Variants in NCALD observed in about 807,000 individuals in gnomAD.
NCALD encodes neurocalcin-delta.
A neutral mutation model predicts 18.6 loss-of-function variants in NCALD; 10 were observed. The observed-to-expected ratio is 0.54, with a 90% confidence interval of 0.33 to 0.91. NCALD has a LOEUF of 0.91. Among genes scored for constraint, NCALD ranks in the 40% least tolerant of loss-of-function variants. The pLI is 0.03. For missense variants in NCALD, 184 were observed against 247.6 expected (o/e 0.74, Z 1.72); for synonymous variants, 88 against 87.4 (o/e 1.01, Z -0.04).
rs534066192 is a variant in NCALD, at chr8:101,798,283, C to A, written c.-19-78635G>T. 2.3e-4 allele frequency among the ~76,000 whole-genome samples: 35 copies of A among 152,302 alleles called. 1 individual carries two copies. Among genetic ancestry groups the A allele is most frequent in the African/African-American group, 8.4e-4 (35 of 41,566 alleles). ...CAAGGAATCTGCAAAACAAACAAAA[C>A]TTCCTGTAACTAATAGATGAGTTTG... On this transcript the variant is annotated intron_variant, in intron 4 of 6. Coordinates refer to the NCALD transcript ENST00000311028.
intron 2 of NCALD, among the ~76,000 whole-genome samples, chr8:102,000,894 A>G (rs1821430960): frequency 6.6e-6 from 1 of 152,208 alleles, no homozygotes; most frequent in Admixed American, 6.5e-5. Flanking sequence ...ATCATCAAAG[A>G]CCAAAGGTAG....
At chr8:101,897,591 G>A (rs1425507431) in intron 3 of NCALD, among the ~76,000 whole-genome samples, 1 of 152,042 alleles carries the variant, frequency 6.6e-6, no homozygotes, top group Non-Finnish European at 1.5e-5. Context: ...TCCAGTGTTG[G>A]GCTATTAAAA....
intron 1 of NCALD, among the ~76,000 whole-genome samples, chr8:102,063,468 T>A (rs1823909591): frequency 6.6e-6 from 1 of 152,192 alleles, no homozygotes; most frequent in South Asian, 2.1e-4. Flanking sequence ...GAGGAATAGG[T>A]GCTTGTGGTA....
chr8:101,889,814 A>G (rs1816806933), intron 3 of NCALD, among the ~76,000 whole-genome samples: 1 of 152,210 alleles, frequency 6.6e-6, no homozygotes. Flanking sequence ...GTTCTCATGA[A>G]GTGTGGAATA....
chr8:102,095,638 G>A (rs1309367431), intron 1 of NCALD, among the ~76,000 whole-genome samples: 2 of 152,102 alleles, frequency 1.3e-5, no homozygotes, highest in Non-Finnish European at 2.9e-5. Flanking sequence ...TGTACACCCT[G>A]AAATGTATGA....
intron 1 of NCALD, among the ~76,000 whole-genome samples, chr8:101,772,144 T>C (rs1349176162): frequency 1.3e-5 from 2 of 152,210 alleles, no homozygotes; most frequent in Non-Finnish European, 2.9e-5. Flanking sequence ...AGTTGGGGAT[T>C]CTAATGCCAA....
intron 1 of NCALD, among the ~76,000 whole-genome samples, chr8:102,097,491 G>A (rs1164986741): frequency 6.6e-6 from 1 of 152,148 alleles, no homozygotes; most frequent in Non-Finnish European, 1.5e-5. Context: ...CTTGCTCTGT[G>A]GCTCATCATA....
intron 4 of NCALD, among the ~76,000 whole-genome samples, chr8:101,850,957 T>C (rs1362376629): frequency 3.3e-5 from 5 of 152,228 alleles, no homozygotes; most frequent in Non-Finnish European, 2.9e-5. Context: ...AAAAGTTTCA[T>C]GGCCAAATGC....
chr8:101,913,479 T>G (rs1256230241), intron 3 of NCALD, among the ~76,000 whole-genome samples: 1 of 152,190 alleles, frequency 6.6e-6, no homozygotes, highest in Non-Finnish European at 1.5e-5. Flanking sequence ...ATATCAAAAT[T>G]CTTTTATTTT....
intron 2 of NCALD, among the ~76,000 whole-genome samples, chr8:101,921,209 T>C (rs1818152599): frequency 6.6e-6 from 1 of 151,174 alleles, no homozygotes; most frequent in Non-Finnish European, 1.5e-5. Context: ...GTCTGTCAAG[T>C]ACAATTTCAA....
chr8:101,930,259 T>C (rs867080284), intron 2 of NCALD, among the ~76,000 whole-genome samples: 6 of 151,988 alleles, frequency 3.9e-5, no homozygotes, highest in Non-Finnish European at 8.8e-5. Context: ...ATTACATAAA[T>C]ATATCTCATT....
chr8:101,868,345 G>A (rs535807575), intron 4 of NCALD, among the ~76,000 whole-genome samples: 15 of 152,084 alleles, frequency 9.9e-5, no homozygotes, highest in African/African-American at 1.7e-4. Flanking sequence ...CAGGGATCCC[G>A]GAATTCCCTG....
At chr8:102,080,152 T>C (rs1824478919) in intron 1 of NCALD, among the ~76,000 whole-genome samples, 1 of 152,210 alleles carries the variant, frequency 6.6e-6, no homozygotes, top group Admixed American at 6.5e-5. Flanking sequence ...TCCAATGACT[T>C]CATATGAAAG....
rs967527230 is a variant in NCALD at position 101,688,496 on chromosome 8, A to C, written c.*813T>G. ...CAGTCTTCTGGAATAAGATTGTATT[A>C]GTGCTCACTAAACATGCATTTCATT... On this transcript the variant is annotated 3_prime_UTR_variant, in exon 4 of 4. Transcript: ENST00000220931. 4 of 348,240 alleles carry C rather than the reference A, an allele frequency of 1.1e-5. No homozygotes were observed. Among genetic ancestry groups the C allele is most frequent in the Non-Finnish European group, 5.7e-6 (1 of 176,242 alleles). 21.6% of individuals were successfully genotyped at this position (348,240 alleles called of 1,614,324 possible). A position where few individuals can be genotyped will look rare whatever the true frequency, so the allele number is the denominator to read the frequency against.
At chr8:101,954,619 G>A (rs571751894) in intron 2 of NCALD, among the ~76,000 whole-genome samples, 1 of 152,310 alleles carries the variant, frequency 6.6e-6, no homozygotes, top group South Asian at 2.1e-4. Flanking sequence ...AGGAGAGAGA[G>A]GAGAGGACAA....
chr8:101,990,351 G>A (rs4734609), intron 2 of NCALD, among the ~76,000 whole-genome samples: 28,713 of 152,092 alleles, frequency 0.19, 3,374 homozygotes, highest in African/African-American at 0.33. Flanking sequence ...CTGAAGTCCT[G>A]ATTAATTCAA....
chr8:101,947,829 G>A lies in NCALD; in HGVS notation c.-156-31971C>T, dbSNP rs10086217. Among the ~76,000 whole-genome samples, 446 of 152,326 alleles carry A rather than the reference G, an allele frequency of 2.9e-3. 1 individual carries two copies. The highest frequency in any genetic ancestry group is 6.8e-3 in the Middle Eastern group (2 of 294). ...GGATGACAAGGAGCTAGACATAAAA[G>A]TGTAGTGGGTGAGGGATTAAGACTG... On this transcript the variant is annotated intron_variant, in intron 2 of 6. Transcript: ENST00000311028.
chr8:101,840,810 C>T (rs1814613286), intron 4 of NCALD, among the ~76,000 whole-genome samples: 1 of 152,154 alleles, frequency 6.6e-6, no homozygotes, highest in African/African-American at 2.4e-5. Flanking sequence ...CATTTTATTA[C>T]ACCATTTATT....
intron 2 of NCALD, among the ~76,000 whole-genome samples, chr8:102,019,742 T>C (rs985732400): frequency 6.6e-6 from 1 of 152,156 alleles, no homozygotes; most frequent in Non-Finnish European, 1.5e-5. Context: ...GTTGGTTTTA[T>C]CTCAGCAATG....
Sources: gnomAD v4.1 joint callset for allele counts (sites outside exome capture counted in the v4.1 genomes callset) on GRCh38, gnomAD v4.1.1 for gene constraint, MANE v1.5 for transcripts, NCBI Gene and HGNC (gene_info 2026-07-23, HGNC 2026-07-21) for gene names.